The following DNMT1 variants were observed in gnomAD, a reference collection of about 807,000 sequenced individuals.
The protein encoded by DNMT1 is DNA (cytosine-5)-methyltransferase 1.
DNMT1 carries 24 observed loss-of-function variants against 205.3 expected under a neutral mutation model. That is an observed-to-expected ratio of 0.12 (90% CI 0.08 to 0.16). The LOEUF (loss-of-function observed/expected upper bound fraction) is 0.16. DNMT1 is among the 10% of genes least tolerant of loss of function. The probability of loss-of-function intolerance (pLI) is 1.00; values close to 1 mark genes in which losing one functional copy is unlikely to be tolerated. For missense variants in DNMT1, 1,293 were observed against 2,177.7 expected, an observed-to-expected ratio of 0.59 and a Z score of 8.09; for synonymous variants, 817 against 839.8, an observed-to-expected ratio of 0.97 and a Z score of 0.47.
Position 10,133,816 on chromosome 19 carries a change from G to T in DNMT1, c.4865-115C>A. The T allele has an allele frequency of 8.6e-7, 1 of 1,156,210 alleles. No homozygotes were observed. 71.6% of individuals were successfully genotyped at this position (1,156,210 alleles called of 1,614,324 possible). On this transcript the variant is annotated intron_variant, in intron 40 of 40. Transcript: ENST00000359526. This position sits in a 1 kb window ranked among gnomAD's most constrained non-coding sequence, Gnocchi z 4.1. ...AAACATTAACGTACTGATGTTAACAGCTGACCCAATAAGTGGCAGAGTGCT... is the reference window on the plus strand; with the variant it reads ...AAACATTAACGTACTGATGTTAACATCTGACCCAATAAGTGGCAGAGTGCT...
rs1185734775 is a variant in DNMT1 at position 10,155,516 on chromosome 19, T to C, written c.1492+337A>G. Among the ~76,000 whole-genome samples the C allele has an allele frequency of 3.9e-5, 6 of 152,216 alleles. No homozygotes were observed. The South Asian group carries it at 1.2e-3, about 32-fold the overall frequency. On this transcript the variant is annotated intron_variant, in intron 19 of 40. Coordinates refer to ENST00000359526, the MANE Select transcript of DNMT1 (RefSeq NM_001130823.3). Reference sequence around the variant, plus strand: ...CCATGCGTGGCTAATTTTTGTATTTTTGGTAGAGAGGGGGTTTCACCATGT... The same window carrying C: ...CCATGCGTGGCTAATTTTTGTATTTCTGGTAGAGAGGGGGTTTCACCATGT...
At chr19:10,160,504 G>A (rs890307742) in intron 13 of DNMT1, 86 bp from the exon 14 acceptor site, 2 of 1,454,304 alleles carry the variant, frequency 1.4e-6, no homozygotes, top group South Asian at 1.2e-5. Context: ...CTTTGTATAA[G>A]TGATTATCAT....
chr19:10,189,242 C>G (rs995187842), intron 1 of DNMT1, among the ~76,000 whole-genome samples: 2 of 151,954 alleles, frequency 1.3e-5, no homozygotes, highest in Non-Finnish European at 2.9e-5. Context: ...GCCTCAGCCT[C>G]CCATGGAGCT....
At chr19:10,185,424 CAA>C (rs908115315) in intron 1 of DNMT1, among the ~76,000 whole-genome samples, 222 of 95,104 alleles carry the variant, frequency 2.3e-3, no homozygotes, top group Non-Finnish European at 3.8e-3. Context: ...AACTCTGTCT[CAA>C]AAAAAAAAAA....
intron 9 of DNMT1, among the ~76,000 whole-genome samples, chr19:10,171,909 G>A (rs890409147): frequency 2.0e-5 from 3 of 151,074 alleles, no homozygotes; most frequent in African/African-American, 7.3e-5. Flanking sequence ...TGGGAGGCTG[G>A]GACATGAGAA....
chr19:10,149,275 A>C (rs574795109), intron 26 of DNMT1, among the ~76,000 whole-genome samples, 178 bp downstream of exon 26: 14 of 151,638 alleles, frequency 9.2e-5, no homozygotes, highest in Non-Finnish European at 1.9e-4. Flanking sequence ...CAGTGAGCTG[A>C]GATCATGCCA....
chr19:10,189,121 ATT>A (rs3079979), intron 1 of DNMT1, among the ~76,000 whole-genome samples: 3 of 143,642 alleles, frequency 2.1e-5, no homozygotes, highest in African/African-American at 2.6e-5. Context: ...GACTCAGATG[ATT>A]TTTTTTTTTT....
In DNMT1 at chr19:10,182,069, T is replaced by C; in HGVS notation, c.89A>G (p.Asp30Gly). The change falls in exon 2 of 41, where the codon GAT becomes GGT. Residue 30 changes from aspartate to glycine, a missense_variant. Asp to Gly is a moderately conservative substitution (Grantham distance 94). Around this residue, in one of 13 missense-constraint regions of DNMT1, gnomAD observed 394 missense variants for 451.6 expected, o/e 0.87. Transcript: ENST00000359526. ...LPDDVRRRLK[D>G]LERDSLTEKE... ...TTCTGTTAAGCTGTCTCTTTCCAAA[T>C]CTTTGAGCCTGGGAGGAAGAAATAG... 1 of 1,612,504 alleles carries C rather than the reference T, an allele frequency of 6.2e-7. No homozygotes were observed. Among genetic ancestry groups the C allele is most frequent in the Non-Finnish European group, 8.5e-7 (1 of 1,179,062 alleles).
rs2089529065 is a variant in DNMT1 at position 10,138,099 on chromosome 19, C to T, written c.4116-90G>A. 8.2e-6 allele frequency: 12 copies of T among 1,460,722 alleles called. No homozygotes were observed. The highest frequency in any genetic ancestry group is 1.1e-5 in the Non-Finnish European group (12 of 1,072,656). The allele number at this position is 1,460,722 out of a possible 1,614,324, so 90.5% of individuals were successfully genotyped here. On this transcript the variant is annotated intron_variant, in intron 35 of 40. Transcript: ENST00000359526. This position sits in a 1 kb window ranked among gnomAD's most constrained non-coding sequence, Gnocchi z 4.1. ...TGCCACCCCCTGCCTGCTCAGATGG[C>T]CTTCTCCCGAGATCACAGCACTGCC...
At chr19:10,163,089 G>A (rs2038612926) in intron 12 of DNMT1, 10 of 575,062 alleles carry the variant, frequency 1.7e-5, no homozygotes, top group Non-Finnish European at 3.1e-5. Context: ...AGCCTTCCGA[G>A]TAGCTGGGAT....
Position 10,156,183 on chromosome 19 carries a change from A to AT in DNMT1, c.1399+207_1399+208insA, listed in dbSNP as rs774153320. Among the ~76,000 whole-genome samples, 48 of 150,712 alleles carry AT rather than the reference A, an allele frequency of 3.2e-4. No individual in the cohort carries two copies. The highest frequency in any genetic ancestry group is 4.7e-4 in the Non-Finnish European group (32 of 67,820). ...ATGTTTTTTATTTATACATATATAT[A>AT]AGTATATATGTATACTATATATATA... On this transcript the variant is annotated intron_variant, in intron 18 of 40. Coordinates refer to ENST00000359526, the MANE Select transcript of DNMT1 (RefSeq NM_001130823.3). This position sits in a 1 kb window ranked among gnomAD's most constrained non-coding sequence, Gnocchi z 4.2.
chr19:10,184,105 A>G (rs2039132283), intron 1 of DNMT1, among the ~76,000 whole-genome samples: 1 of 152,172 alleles, frequency 6.6e-6, no homozygotes, highest in Admixed American at 6.5e-5. Flanking sequence ...GCACTCCCGT[A>G]AGGGAAATGA....
intron 13 of DNMT1, 30 bp downstream of exon 13, chr19:10,162,637 A>G (rs536791470): frequency 1.2e-4 from 183 of 1,557,574 alleles, no homozygotes; most frequent in East Asian, 4.6e-4. Context: ...AAAAAAAAAA[A>G]AAAGAAAGAA....
chr19:10,141,935 T>C lies in DNMT1; in HGVS notation c.3309+93A>G, dbSNP rs562108778. ...CCACTTCTTACAAAAGCTGAAACCC[T>C]GCAGCCAAGCCGCCTTGTGTATAAC... On this transcript the variant is annotated intron_variant, in intron 30 of 40. Coordinates refer to ENST00000359526, the MANE Select transcript of DNMT1 (RefSeq NM_001130823.3). 9.4e-6 allele frequency: 14 copies of C among 1,482,888 alleles called. No homozygotes were observed. In the South Asian group the frequency reaches 1.6e-4, roughly 17 times the overall value. 91.9% of individuals were successfully genotyped at this position (1,482,888 alleles called of 1,614,324 possible).
intron 10 of DNMT1, among the ~76,000 whole-genome samples, chr19:10,167,749 G>A (rs939157329): frequency 1.3e-5 from 2 of 152,206 alleles, no homozygotes; most frequent in African/African-American, 4.8e-5. Context: ...CACAGTGAAA[G>A]GTAAGTGACA....
chr19:10,148,367 G>A (rs532847233), intron 27 of DNMT1, among the ~76,000 whole-genome samples: 8 of 146,828 alleles, frequency 5.4e-5, no homozygotes, highest in East Asian at 2.1e-4. Context: ...GTGGTGGCAG[G>A]CGCCTGTAGT....
At chr19:10,147,482 G>T (rs1272132528) in intron 27 of DNMT1, among the ~76,000 whole-genome samples, 1 of 150,858 alleles carries the variant, frequency 6.6e-6, no homozygotes, top group Non-Finnish European at 1.5e-5. Context: ...ATGGTGGCAG[G>T]CGCCTGTAGT....
intron 37 of DNMT1, 129 bp downstream of exon 37, chr19:10,136,956 A>G: frequency 7.9e-7 from 1 of 1,272,848 alleles, no homozygotes; most frequent in East Asian, 2.5e-5. Flanking sequence ...GTCAGCAGCT[A>G]CCTTCTCTGG....
chr19:10,180,729 C>T, intron 3 of DNMT1, 49 bp downstream of exon 3: 1 of 1,580,558 alleles, frequency 6.3e-7, no homozygotes, highest in East Asian at 2.2e-5. Context: ...AGACAAGTTA[C>T]TAGGAGGAGA....
Sources: allele counts gnomAD v4.1 joint callset (sites outside exome capture counted in the v4.1 genomes callset), GRCh38; gene constraint gnomAD v4.1.1; regional missense constraint gnomAD v4.1.1; non-coding constraint Gnocchi (gnomAD v3.1); transcripts MANE v1.5; gene names NCBI Gene and HGNC (gene_info 2026-07-23, HGNC 2026-07-21).